RALGPS1: variants seen among roughly 807,000 people sequenced by gnomAD.
The protein encoded by RALGPS1 is ras-specific guanine nucleotide-releasing factor RalGPS1.
A neutral mutation model predicts 78.8 loss-of-function variants in RALGPS1; 19 were observed. The observed-to-expected ratio is 0.24, with a 90% CI of 0.17 to 0.35. The LOEUF is 0.35. RALGPS1 is among the 10% of genes least tolerant of loss of function. The pLI, the probability that RALGPS1 is intolerant of heterozygous loss-of-function variation, is 1.00. For synonymous variants in RALGPS1, 228 were observed against 256.3 expected (o/e 0.89, Z 1.06); for missense variants, 454 against 688.3 (o/e 0.66, Z 3.81).
intron 1 of RALGPS1, among the ~76,000 whole-genome samples, chr9:126,932,334 A>G (rs571905192): frequency 3.3e-5 from 5 of 152,200 alleles, no homozygotes; most frequent in East Asian, 3.8e-4. Context: ...GACATCATCT[A>G]TCAAAGCTGA....
intron 5 of RALGPS1, among the ~76,000 whole-genome samples, chr9:127,049,001 G>A (rs376129137): frequency 1.3e-5 from 2 of 152,170 alleles, no homozygotes; most frequent in African/African-American, 4.8e-5. Flanking sequence ...TTTCAATAAC[G>A]AGAATACATT....
intron 14 of RALGPS1, among the ~76,000 whole-genome samples, chr9:127,200,170 T>C (rs537872893): frequency 6.6e-6 from 1 of 152,212 alleles, no homozygotes; most frequent in African/African-American, 2.4e-5. Context: ...ACACACACAC[T>C]CCTCCTCTGG....
At chr9:126,958,044 T>G (rs1254802831) in intron 1 of RALGPS1, among the ~76,000 whole-genome samples, 1 of 149,388 alleles carries the variant, frequency 6.7e-6, no homozygotes, top group Admixed American at 6.7e-5. Flanking sequence ...AGGCTGAGGA[T>G]CCCTTCAGCC....
At chr9:127,090,339 G>A (rs1363027339) in intron 8 of RALGPS1, among the ~76,000 whole-genome samples, 1 of 152,226 alleles carries the variant, frequency 6.6e-6, no homozygotes, top group Non-Finnish European at 1.5e-5. Flanking sequence ...GTGTCCCAGG[G>A]TCTGACCAGC....
intron 8 of RALGPS1, among the ~76,000 whole-genome samples, chr9:127,120,168 C>G (rs1345252065): frequency 6.6e-6 from 1 of 152,162 alleles, no homozygotes; most frequent in African/African-American, 2.4e-5. Context: ...GACTATGGAT[C>G]CTCCTGATTT....
At chr9:127,149,672 A>C (rs1395479404) in intron 8 of RALGPS1, among the ~76,000 whole-genome samples, 1 of 152,224 alleles carries the variant, frequency 6.6e-6, no homozygotes, top group African/African-American at 2.4e-5. Context: ...ACAGAGGTTC[A>C]TGGCTGACAG....
chr9:127,189,934 CAGAGTAG>C (rs1588460867), intron 11 of RALGPS1, among the ~76,000 whole-genome samples: 2 of 152,320 alleles, frequency 1.3e-5, no homozygotes, highest in East Asian at 3.9e-4. Flanking sequence ...GCACCTGGCA[CAGAGTAG>C]GTGGCCACTA....
intron 1 of RALGPS1, among the ~76,000 whole-genome samples, chr9:126,922,448 A>G (rs1156561967): frequency 6.6e-6 from 1 of 152,218 alleles, no homozygotes; most frequent in Non-Finnish European, 1.5e-5. Context: ...GGGCAAGGGA[A>G]GTTTGTGCTT....
chr9:127,036,369 A>G (rs1470949541), intron 5 of RALGPS1, among the ~76,000 whole-genome samples: 8 of 152,234 alleles, frequency 5.3e-5, no homozygotes, highest in Non-Finnish European at 1.2e-4. Flanking sequence ...AACAAGACTC[A>G]TCAGACTCCA....
rs545634623 is a variant in RALGPS1 at position 127,212,395 on chromosome 9, C to T, written c.1353+159C>T. On this transcript the variant is annotated intron_variant, in intron 15 of 18. Coordinates refer to ENST00000259351, the MANE Select transcript of RALGPS1 (RefSeq NM_014636.3). The surrounding 1 kb of genome is among the most constrained non-coding windows in gnomAD (Gnocchi z 6.0). The stretch of plus-strand genomic sequence containing the variant: ...CTCTCAGGAATTATACCTGACACTG[C>T]CGTAAAATGAACAAAGGGAAGGCTC... 1.6e-4 allele frequency among the ~76,000 whole-genome samples: 24 copies of T among 152,138 alleles called. No homozygotes were observed. The highest frequency in any genetic ancestry group is 3.1e-4 in the Non-Finnish European group (21 of 68,016).
chr9:127,070,558 C>T (rs2050109604), intron 8 of RALGPS1, among the ~76,000 whole-genome samples: 1 of 152,150 alleles, frequency 6.6e-6, no homozygotes, highest in Non-Finnish European at 1.5e-5. Context: ...CTGTTTCTCC[C>T]ACATTACAAA....
At chr9:127,171,812 A>G (rs775265835) in intron 10 of RALGPS1, among the ~76,000 whole-genome samples, 3 of 152,194 alleles carry the variant, frequency 2.0e-5, no homozygotes, top group Non-Finnish European at 4.4e-5. Context: ...GCTTGAGTCA[A>G]TAAGTTTTAT....
At chr9:127,009,185 A>G (rs183643172) in intron 4 of RALGPS1, among the ~76,000 whole-genome samples, 1 of 152,338 alleles carries the variant, frequency 6.6e-6, no homozygotes, top group Admixed American at 6.5e-5. Context: ...TATCAGCTTT[A>G]ATAGGCACTA....
At chr9:127,156,432 A>G (rs902278333) in intron 8 of RALGPS1, among the ~76,000 whole-genome samples, 2 of 152,190 alleles carry the variant, frequency 1.3e-5, no homozygotes, top group African/African-American at 4.8e-5. Context: ...CCACACGCTC[A>G]TCAACACTAA....
At chr9:127,067,752 A>G (rs1278308891) in intron 7 of RALGPS1, among the ~76,000 whole-genome samples, 3 of 152,190 alleles carry the variant, frequency 2.0e-5, no homozygotes, top group Non-Finnish European at 2.9e-5. Context: ...GGGCTTAGCC[A>G]TTGACCTCCA....
rs2059408616 is a variant in RALGPS1, at chr9:127,168,609, C to T, written c.749-70C>T. On this transcript the variant is annotated intron_variant, in intron 9 of 18. Transcript: ENST00000259351. ...CTGGGAGCATCTAAAATCATGATTTCTATACTTCTCATCTGGGGGCCTAAA... is the reference window on the plus strand; with the variant it reads ...CTGGGAGCATCTAAAATCATGATTTTTATACTTCTCATCTGGGGGCCTAAA... 5 of 1,074,444 alleles carry T rather than the reference C, an allele frequency of 4.7e-6. No individual in the cohort carries two copies. In the South Asian group the frequency reaches 6.4e-5, roughly 14 times the overall value. 66.6% of individuals were successfully genotyped at this position (1,074,444 alleles called of 1,614,324 possible).
intron 8 of RALGPS1, among the ~76,000 whole-genome samples, chr9:127,080,719 A>G (rs1210047727): frequency 6.6e-6 from 1 of 152,194 alleles, no homozygotes; most frequent in Non-Finnish European, 1.5e-5. Context: ...AAATATTTAG[A>G]CTGTTTCTAG....
chr9:127,170,382 T>G (rs746839650), intron 10 of RALGPS1, among the ~76,000 whole-genome samples: 1 of 152,210 alleles, frequency 6.6e-6, no homozygotes, highest in Non-Finnish European at 1.5e-5. Flanking sequence ...CTAATGATCT[T>G]TTGCAACATA....
chr9:127,206,796 T>C (rs929369442), intron 14 of RALGPS1, among the ~76,000 whole-genome samples: 5 of 152,046 alleles, frequency 3.3e-5, no homozygotes, highest in Admixed American at 6.5e-5. Flanking sequence ...TACAACCTAA[T>C]GTGTACCTAG....
Sources: allele counts gnomAD v4.1 joint callset (sites outside exome capture counted in the v4.1 genomes callset), GRCh38; gene constraint gnomAD v4.1.1; non-coding constraint Gnocchi (gnomAD v3.1); transcripts MANE v1.5; gene names NCBI Gene and HGNC (gene_info 2026-07-23, HGNC 2026-07-21).